FOXP2: variants seen among roughly 807,000 people sequenced by gnomAD.
The protein encoded by FOXP2 is forkhead box P2, also known as forkhead box protein P2.
In FOXP2, 12 loss-of-function variants were observed where a neutral mutation model predicts 115.8. The observed-to-expected ratio is 0.10, with a 90% CI of 0.07 to 0.17. The LOEUF (loss-of-function observed/expected upper bound fraction) is 0.17. Ranked by LOEUF, FOXP2 falls within the 10% of genes least tolerant of loss-of-function variation. FOXP2 has a pLI of 1.00. For missense variants in FOXP2, 629 were observed against 843.5 expected (o/e 0.75, Z 3.15); for synonymous variants, 328 against 297.7 (o/e 1.10, Z -1.05).
chr7:114,684,470 G>A (rs575431234), intron 16 of FOXP2, among the ~76,000 whole-genome samples: 46 of 152,256 alleles, frequency 3.0e-4, no homozygotes, highest in African/African-American at 1.0e-3. Context: ...GAAGGCAGTC[G>A]CCTAGACCAC....
At chr7:114,569,543 G>A (rs1431717377) in intron 3 of FOXP2, among the ~76,000 whole-genome samples, 1 of 151,882 alleles carries the variant, frequency 6.6e-6, no homozygotes, top group Non-Finnish European at 1.5e-5. Flanking sequence ...ATTATGCACT[G>A]GTGCCAAATA....
At chr7:114,631,182 G>A (rs1040644918) in intron 5 of FOXP2, 18 of 302,222 alleles carry the variant, frequency 6.0e-5, no homozygotes, top group African/African-American at 1.7e-4. Flanking sequence ...AAAGTGTGTC[G>A]TAGAAGTTGA....
At chr7:114,367,729 T>C (rs1791914372) in intron 2 of FOXP2, among the ~76,000 whole-genome samples, 1 of 152,148 alleles carries the variant, frequency 6.6e-6, no homozygotes, top group African/African-American at 2.4e-5. Flanking sequence ...TAACACTACT[T>C]TCTAATTGAT....
chr7:114,441,507 A>G (rs908612022), intron 2 of FOXP2, among the ~76,000 whole-genome samples: 57 of 152,324 alleles, frequency 3.7e-4, no homozygotes, highest in Middle Eastern at 3.4e-3. Flanking sequence ...CAAATCGTCA[A>G]TGATTTTAAA....
At chr7:114,504,342 AAG>A (rs1359170033) in intron 2 of FOXP2, among the ~76,000 whole-genome samples, 1 of 151,576 alleles carries the variant, frequency 6.6e-6, no homozygotes, top group Non-Finnish European at 1.5e-5. Flanking sequence ...TAAATTTCTC[AAG>A]AGAGTGTTGA....
intron 16 of FOXP2, chr7:114,666,272 T>C (rs1167358641): frequency 6.6e-6 from 1 of 152,034 alleles, no homozygotes; most frequent in Non-Finnish European, 1.5e-5. Context: ...GGGGTGTAAA[T>C]TGTCCCTTTT....
intron 2 of FOXP2, among the ~76,000 whole-genome samples, chr7:114,328,388 C>T (rs1227942757): frequency 6.6e-6 from 1 of 151,968 alleles, no homozygotes; most frequent in Non-Finnish European, 1.5e-5. Context: ...AGGTGCCCGC[C>T]ACCACGCCCG....
At chr7:114,385,074 C>G (rs1206077171) in intron 2 of FOXP2, among the ~76,000 whole-genome samples, 1 of 151,804 alleles carries the variant, frequency 6.6e-6, no homozygotes, top group Non-Finnish European at 1.5e-5. Flanking sequence ...CCCTCTCTCC[C>G]TCTTAGCCAT....
At chr7:114,266,875 G>T (rs569398897) in intron 1 of FOXP2, among the ~76,000 whole-genome samples, 2 of 152,256 alleles carry the variant, frequency 1.3e-5, no homozygotes, top group South Asian at 2.1e-4. Context: ...AAAAATTTAT[G>T]TAGTGCCAAC....
intron 3 of FOXP2, among the ~76,000 whole-genome samples, chr7:114,602,621 C>G (rs1350135): frequency 0.73 from 111,544 of 151,792 alleles, 44,258 homozygotes; most frequent in Non-Finnish European, 0.88. Flanking sequence ...ACATTTCACC[C>G]CCAAAGCCTC....
chr7:114,335,670 T>C (rs1391560219), intron 2 of FOXP2, among the ~76,000 whole-genome samples: 1 of 151,826 alleles, frequency 6.6e-6, no homozygotes, highest in Middle Eastern at 3.2e-3. Flanking sequence ...TCAAGCACAA[T>C]TTTAAAGTGA....
chr7:114,644,571 C>G (rs1012392115), intron 7 of FOXP2, 114 bp from the exon 8 acceptor site: 18 of 809,054 alleles, frequency 2.2e-5, no homozygotes, highest in Non-Finnish European at 3.8e-5. Flanking sequence ...CTGCTCTGAG[C>G]TGAATTGACC....
intron 2 of FOXP2, among the ~76,000 whole-genome samples, chr7:114,402,669 G>T (rs946050082): frequency 2.0e-5 from 3 of 151,026 alleles, no homozygotes; most frequent in Non-Finnish European, 4.4e-5. Flanking sequence ...ACCCAAGCTG[G>T]AGGCTGGAGT....
At chr7:114,330,295 C>T (rs1797669644) in intron 2 of FOXP2, among the ~76,000 whole-genome samples, 1 of 151,758 alleles carries the variant, frequency 6.6e-6, no homozygotes, top group Non-Finnish European at 1.5e-5. Context: ...ACTTATGAGG[C>T]ATATATGAAA....
chr7:114,652,844 A>G (rs1682878819), intron 9 of FOXP2, among the ~76,000 whole-genome samples: 1 of 152,146 alleles, frequency 6.6e-6, no homozygotes, highest in South Asian at 2.1e-4. Flanking sequence ...GATAATACAC[A>G]CATGTTGTAT....
At chr7:114,543,967 G>C (rs561298301) in intron 3 of FOXP2, among the ~76,000 whole-genome samples, 3 of 152,216 alleles carry the variant, frequency 2.0e-5, no homozygotes, top group African/African-American at 7.2e-5. Flanking sequence ...TAATTACCGG[G>C]AAATGTTCCT....
At chr7:114,673,162 C>T (rs1425119294) in intron 16 of FOXP2, among the ~76,000 whole-genome samples, 3 of 152,266 alleles carry the variant, frequency 2.0e-5, no homozygotes, top group South Asian at 2.1e-4. Flanking sequence ...GACTTAAAGG[C>T]AAAGTGTCAA....
intron 2 of FOXP2, among the ~76,000 whole-genome samples, chr7:114,342,845 A>G (rs1393176408): frequency 6.6e-6 from 1 of 151,594 alleles, no homozygotes; most frequent in Non-Finnish European, 1.5e-5. Flanking sequence ...TGCAGTCATA[A>G]TATTTTATTG....
intron 1 of FOXP2, among the ~76,000 whole-genome samples, chr7:114,242,856 G>A (rs1444785570): frequency 6.6e-6 from 1 of 152,072 alleles, no homozygotes. Context: ...CTACTTATAA[G>A]TAGAAATGTC....
Sources: gnomAD v4.1 joint callset for allele counts (sites outside exome capture counted in the v4.1 genomes callset) on GRCh38, gnomAD v4.1.1 for gene constraint, MANE v1.5 for transcripts, NCBI Gene and HGNC (gene_info 2026-07-23, HGNC 2026-07-21) for gene names.